Variants in TRMT44 observed in about 807,000 individuals in gnomAD.
TRMT44 encodes probable tRNA (uracil-O(2)-)-methyltransferase.
In TRMT44, 78 loss-of-function variants were observed where a neutral mutation model predicts 77.3. The ratio of observed to expected loss-of-function variants is 1.01; its 90% CI spans 0.84 to 1.22. The LOEUF (loss-of-function observed/expected upper bound fraction) is 1.22, where lower values mean the gene tolerates loss of function less well. Ranked by LOEUF, TRMT44 falls within the 50% of genes most tolerant of loss-of-function variation. The pLI is 0.00. For synonymous variants in TRMT44, 391 were observed against 383.3 expected (o/e 1.02, Z -0.23); for missense variants, 1,090 against 964.4 (o/e 1.13, Z -1.73).
At chr4:8,449,962 T>A in intron 3 of TRMT44, 74 bp downstream of exon 3, 1 of 827,564 alleles carries the variant, frequency 1.2e-6, no homozygotes, top group Non-Finnish European at 1.7e-6. Context: ...TTTTTTTTTT[T>A]TTTTTTTTTT....
chr4:8,514,107 G>A, the TRMT44 span, among the ~76,000 whole-genome samples: 5 of 152,290 alleles, frequency 3.3e-5, no homozygotes, highest in African/African-American at 9.6e-5. Context: ...TCCATAGGGA[G>A]TGGAGGCACT....
Position 8,475,972 on chromosome 4 carries a change from CG to C in TRMT44, c.2247del (p.Thr750ProfsTer55). On this transcript the variant is annotated frameshift_variant, in exon 11 of 11. Transcript: ENST00000389737. LOFTEE classifies it low-confidence loss of function (END_TRUNC). Reference sequence around the variant, plus strand: ...TGGGCCTGCGGAGCTGCGGCCACCCCGGACCACCCCGAGGAAGAAGATTTCA... The same window carrying C: ...TGGGCCTGCGGAGCTGCGGCCACCCCGACCACCCCGAGGAAGAAGATTTCA... Reference protein sequence around the residue: ...AHGPAELRPPRTTPRKKIS With the variant: ...AHGPAELRPPXTTPRKKIS 1 of 1,614,064 alleles carries C rather than the reference CG, an allele frequency of 6.2e-7. No homozygotes were observed. The highest frequency in any genetic ancestry group is 8.5e-7 in the Non-Finnish European group (1 of 1,180,030).
At position 8,464,001 on chromosome 4, in the gene TRMT44, C is replaced by G. The variant is rs752662925; in HGVS notation, c.1220C>G (p.Pro407Arg). The G allele has an allele frequency of 1.8e-5, 29 of 1,613,620 alleles. No homozygotes were observed. The highest frequency in any genetic ancestry group is 1.7e-5 in the Admixed American group (1 of 59,910). The change falls in exon 7 of 11, where the codon CCC becomes CGC. Residue 407 changes from proline (P) to arginine (R), a missense_variant. Pro to Arg is a moderately radical substitution (Grantham distance 103). Coordinates refer to ENST00000389737, the MANE Select transcript of TRMT44 (RefSeq NM_152544.3). ...TTCCTTTAGGAAGATGCAATCACAC[C>G]CAATGATAAGACCCTTTTCCCTGAT... ...QTQLEEDAIT[P>R]NDKTLFPDVD...
chr4:8,462,745 A>G (rs138709727), intron 6 of TRMT44, among the ~76,000 whole-genome samples: 15 of 152,312 alleles, frequency 9.8e-5, no homozygotes, highest in African/African-American at 3.4e-4. Context: ...AAAAAACTTC[A>G]TAAAACAGGT....
rs1230097419 is a variant in TRMT44 at position 8,476,023 on chromosome 4, G to T, written c.*22G>T. 1.2e-6 allele frequency: 2 copies of T among 1,609,114 alleles called. No individual in the cohort carries two copies. The highest frequency in any genetic ancestry group is 1.7e-6 in the Non-Finnish European group (2 of 1,176,858). On this transcript the variant is annotated 3_prime_UTR_variant, in exon 11 of 11. Transcript: ENST00000389737. Reference sequence around the variant, plus strand: ...ATGAGCTGCATCCTTGCCAGCCGAGGCCTGGTTGGGGAGGCCAAACCAAGG... The same window carrying T: ...ATGAGCTGCATCCTTGCCAGCCGAGTCCTGGTTGGGGAGGCCAAACCAAGG...
intron 3 of TRMT44, 150 bp downstream of exon 3, chr4:8,450,038 C>T (rs1286467143): frequency 1.9e-6 from 1 of 534,192 alleles, no homozygotes. Context: ...GTGATCTTGG[C>T]TCACTGCAAC....
intron 6 of TRMT44, among the ~76,000 whole-genome samples, chr4:8,459,420 A>G (rs1726016635): frequency 6.6e-6 from 1 of 152,208 alleles, no homozygotes; most frequent in African/African-American, 2.4e-5. Flanking sequence ...CCCATTTTAC[A>G]GGCGAGGAAA....
At chr4:8,447,786 G>A (rs1057099997) in intron 2 of TRMT44, among the ~76,000 whole-genome samples, 1 of 152,198 alleles carries the variant, frequency 6.6e-6, no homozygotes, top group African/African-American at 2.4e-5. Context: ...GCCCTTGTTG[G>A]AGAGTGAGGA....
the TRMT44 span, among the ~76,000 whole-genome samples, chr4:8,502,679 G>GA: frequency 0.16 from 12 of 74 alleles, no homozygotes; most frequent in African/African-American, 0.32. Context: ...CCTGGCCACA[G>GA]GCCCTCTCCC....
At chr4:8,497,357 T>A (rs190957631), downstream of TRMT44, among the ~76,000 whole-genome samples, 14 of 152,348 alleles carry the variant, frequency 9.2e-5, no homozygotes, top group Non-Finnish European at 1.8e-4. Flanking sequence ...ATAAAAACCC[T>A]GCTCTGGGCC....
At chr4:8,464,274 GTTTTA>G (rs1471831274) in intron 7 of TRMT44, among the ~76,000 whole-genome samples, 183 bp downstream of exon 7, 4 of 152,142 alleles carry the variant, frequency 2.6e-5, no homozygotes, top group Non-Finnish European at 5.9e-5. Flanking sequence ...AATTCCACCT[GTTTTA>G]TTTTACCTTT....
chr4:8,479,267 A>T (rs993417910), downstream of TRMT44: 2 of 148,602 alleles, frequency 1.3e-5, no homozygotes, highest in Admixed American at 1.3e-4. Context: ...TTGCTTGGAA[A>T]CTATATTGTG....
intron 3 of TRMT44, 36 bp downstream of exon 3, chr4:8,449,924 T>C: frequency 1.1e-6 from 1 of 909,756 alleles, no homozygotes; most frequent in Non-Finnish European, 1.6e-6. Context: ...TTTTCCCCCT[T>C]CATGATTTTC....
At chr4:8,449,925 C>T in intron 3 of TRMT44, 37 bp downstream of exon 3, 5 of 372,578 alleles carry the variant, frequency 1.3e-5, no homozygotes, top group Non-Finnish European at 1.2e-5. Flanking sequence ...TTTCCCCCTT[C>T]ATGATTTTCT....
At chr4:8,500,732 A>G in the TRMT44 span, among the ~76,000 whole-genome samples, 49 of 150,546 alleles carry the variant, frequency 3.3e-4, no homozygotes, top group Middle Eastern at 3.4e-3. Flanking sequence ...ACCTTGATTC[A>G]CTACAACTTC....
rs1403527344 is a variant in TRMT44 at position 8,468,123 on chromosome 4, C to T, written c.1704C>T (p.Thr568=). 3 of 1,613,800 alleles carry T rather than the reference C, an allele frequency of 1.9e-6. No homozygotes were observed. Among genetic ancestry groups the T allele is most frequent in the Non-Finnish European group, 2.5e-6 (3 of 1,179,980 alleles). ...TGGACGCCAGGGTCGGGTGTGTAAC[C>T]AGGGCCTGGGCCGCTGAGCATGGAG... The part of the protein sequence containing the change: ...QALDARVGCV[T]RAWAAEHGAG... The change falls in exon 9 of 11, where the codon ACC becomes ACT. Residue 568 remains threonine (T), a synonymous_variant. Coordinates refer to ENST00000389737, the MANE Select transcript of TRMT44 (RefSeq NM_152544.3).
chr4:8,441,131 C>G lies in TRMT44; in HGVS notation c.309C>G (p.Ala103=), dbSNP rs1724650051. The change falls in exon 1 of 11, where the codon GCC becomes GCG. Residue 103 remains alanine, a synonymous_variant. Transcript: ENST00000389737. ...CGGCATGTTGCGAACTTGAGGAGGC[C>G]CAGGGCCAGTGCCAGCAAGAGGAGG... ...QGTACCELEE[A]QGQCQQEEAQ... 4.6e-6 allele frequency: 7 copies of G among 1,521,674 alleles called. No individual in the cohort carries two copies. The highest frequency in any genetic ancestry group is 6.2e-6 in the Non-Finnish European group (7 of 1,137,488). The allele number at this position is 1,521,674 out of a possible 1,614,324, so 94.3% of individuals were successfully genotyped here. A position where few individuals can be genotyped will look rare whatever the true frequency, so the allele number is the denominator to read the frequency against.
intron 3 of TRMT44, among the ~76,000 whole-genome samples, chr4:8,450,443 G>GA (rs113458147): frequency 0.059 from 8,697 of 147,350 alleles, 425 homozygotes; most frequent in African/African-American, 0.14. Context: ...ATGGAACCTT[G>GA]AAAAAAAAAA....
At chr4:8,449,944 C>CTTTTAT in intron 3 of TRMT44, 56 bp downstream of exon 3, 4 of 376,688 alleles carry the variant, frequency 1.1e-5, no homozygotes, top group Non-Finnish European at 1.5e-5. Flanking sequence ...CTTTTCTTTT[C>CTTTTAT]TTTTCTTTTT....
Sources: allele counts gnomAD v4.1 joint callset (sites outside exome capture counted in the v4.1 genomes callset), GRCh38; gene constraint gnomAD v4.1.1; transcripts MANE v1.5; gene names NCBI Gene and HGNC (gene_info 2026-07-23, HGNC 2026-07-21).